The following KAZN variants were observed in gnomAD, a reference collection of about 807,000 sequenced individuals.
KAZN encodes kazrin.
Under a neutral mutation model 87.4 loss-of-function variants are expected in KAZN, and 40 were observed. The observed-to-expected ratio is 0.46, with a 90% CI of 0.36 to 0.60. KAZN has a LOEUF of 0.60. Ranked by LOEUF, KAZN falls within the 20% of genes least tolerant of loss-of-function variation. KAZN has a pLI of 0.00. For synonymous variants in KAZN, 466 were observed against 458.3 expected (o/e 1.02, Z -0.22); for missense variants, 898 against 1,073.9 (o/e 0.84, Z 2.29).
chr1:14,172,491 A>T (rs990522965), intron 1 of KAZN, among the ~76,000 whole-genome samples: 1 of 152,240 alleles, frequency 6.6e-6, no homozygotes, highest in Non-Finnish European at 1.5e-5. Context: ...CCAAAAAAAT[A>T]TACTATTGGT....
At chr1:14,477,555 G>T (rs565980436) in intron 2 of KAZN, among the ~76,000 whole-genome samples, 5 of 151,812 alleles carry the variant, frequency 3.3e-5, no homozygotes, top group Admixed American at 1.3e-4. Context: ...CGTGTACAAG[G>T]CTTGTGCGTC....
At chr1:14,712,801 G>GT (rs1399093995) in intron 1 of KAZN, among the ~76,000 whole-genome samples, 3 of 152,180 alleles carry the variant, frequency 2.0e-5, no homozygotes, top group Admixed American at 6.5e-5. Context: ...CAAGCCATAG[G>GT]TAAAAACCAA....
At chr1:14,660,275 C>T (rs1229958834) in intron 1 of KAZN, among the ~76,000 whole-genome samples, 2 of 152,140 alleles carry the variant, frequency 1.3e-5, no homozygotes, top group Non-Finnish European at 2.9e-5. Context: ...AACAATAAGA[C>T]GAATAATAAC....
At chr1:14,887,401 T>C (rs554675861) in intron 1 of KAZN, among the ~76,000 whole-genome samples, 3 of 152,302 alleles carry the variant, frequency 2.0e-5, no homozygotes, top group Non-Finnish European at 4.4e-5. Flanking sequence ...ATCCCAGAAA[T>C]GCTTATGATG....
intron 1 of KAZN, among the ~76,000 whole-genome samples, chr1:14,905,113 C>T (rs61773601): frequency 0.1 from 15,442 of 152,190 alleles, 883 homozygotes; most frequent in Middle Eastern, 0.15. Flanking sequence ...GGCTGGAGTG[C>T]AGTGGCGTGA....
Position 15,060,198 on chromosome 1 carries a change from C to T in KAZN, c.943C>T (p.Arg315Trp), listed in dbSNP as rs747595522. ...GGTCAGGGTGAGCCCCTGCCACTCC[C>T]GGCAGCCCTCTGTCATCTCCGACGC... is the stretch of plus-strand genomic sequence containing the variant. ...QAVRVSPCHS[R>W]QPSVISDASA... Residue 315 changes from arginine to tryptophan, a missense_variant, in exon 6 of 15, where the codon CGG (arginine) becomes TGG (tryptophan). This residue lies in a region of KAZN where 521 missense variants were observed against 689.4 expected (regional missense o/e 0.76). Coordinates refer to ENST00000376030, the MANE Select transcript of KAZN (RefSeq NM_201628.3). 18 of 1,614,126 alleles carry T rather than the reference C, an allele frequency of 1.1e-5. No homozygotes were observed. The highest frequency in any genetic ancestry group is 1.7e-5 in the Admixed American group (1 of 60,016).
intron 1 of KAZN, among the ~76,000 whole-genome samples, chr1:14,743,290 C>T (rs181971032): frequency 1.6e-3 from 248 of 151,858 alleles, no homozygotes; most frequent in African/African-American, 5.2e-3. Context: ...ATTAGCCGGG[C>T]GTGGTGACAC....
chr1:14,943,228 CAG>C (rs138059240), intron 1 of KAZN, among the ~76,000 whole-genome samples: 14,111 of 151,864 alleles, frequency 0.093, 814 homozygotes, highest in South Asian at 0.24. Flanking sequence ...AGAGGCCACT[CAG>C]AGCAAGAATT....
chr1:14,664,957 A>G (rs1639429055), intron 1 of KAZN, among the ~76,000 whole-genome samples: 1 of 152,108 alleles, frequency 6.6e-6, no homozygotes. Flanking sequence ...ACCCGGCTGG[A>G]TCCATATTTT....
chr1:15,054,608 C>T (rs1274131438), intron 4 of KAZN, among the ~76,000 whole-genome samples: 6 of 150,788 alleles, frequency 4.0e-5, no homozygotes, highest in South Asian at 2.1e-4. Flanking sequence ...ACCGAGATCG[C>T]GCCACTGCAC....
chr1:14,936,005 C>T (rs1223590670), intron 1 of KAZN, among the ~76,000 whole-genome samples: 1 of 152,258 alleles, frequency 6.6e-6, no homozygotes, highest in Non-Finnish European at 1.5e-5. Flanking sequence ...CCTCCAAGCC[C>T]CCCTGCCCTT....
chr1:13,947,913 C>T (rs539476570), intron 1 of KAZN, among the ~76,000 whole-genome samples: 7 of 152,268 alleles, frequency 4.6e-5, no homozygotes, highest in East Asian at 1.9e-4. Flanking sequence ...CAAACACAGT[C>T]GCACTCTGAG....
chr1:13,908,974 A>G (rs1222771861), intron 1 of KAZN, among the ~76,000 whole-genome samples: 1 of 152,224 alleles, frequency 6.6e-6, no homozygotes. Flanking sequence ...TTCGCAAAGC[A>G]GCAGAGCTCG....
intron 1 of KAZN, among the ~76,000 whole-genome samples, chr1:14,816,737 T>G (rs747946901): frequency 6.6e-6 from 1 of 152,194 alleles, no homozygotes; most frequent in African/African-American, 2.4e-5. Context: ...TCTAGATAGA[T>G]AAATATAGAT....
intron 2 of KAZN, among the ~76,000 whole-genome samples, chr1:14,221,574 T>C (rs1647099075): frequency 6.6e-6 from 1 of 152,180 alleles, no homozygotes; most frequent in Admixed American, 6.5e-5. Context: ...ACTGCAGAGC[T>C]TGCCAGCTAG....
intron 1 of KAZN, among the ~76,000 whole-genome samples, chr1:13,912,833 TG>T (rs35892617): frequency 0.2 from 30,438 of 152,058 alleles, 3,409 homozygotes; most frequent in Non-Finnish European, 0.26. Context: ...TGACCTCAGG[TG>T]ATCTACCTAC....
chr1:14,839,540 C>T (rs1422032659), intron 1 of KAZN, among the ~76,000 whole-genome samples: 1 of 152,090 alleles, frequency 6.6e-6, no homozygotes, highest in African/African-American at 2.4e-5. Flanking sequence ...CCAGAAAAAC[C>T]CCTATTCATC....
At chr1:14,305,082 A>G (rs1374272204) in intron 2 of KAZN, among the ~76,000 whole-genome samples, 2 of 152,096 alleles carry the variant, frequency 1.3e-5, no homozygotes, top group Non-Finnish European at 2.9e-5. Flanking sequence ...TTTAGAAAGG[A>G]TATGTCTGCT....
chr1:15,066,007 G>A lies in KAZN; in HGVS notation c.1222+254G>A. ...CTGCGTCGCCACCTCTGTAATTGAT[G>A]TACATACCGCAAACCGTGTGTGAAC... On this transcript the variant is annotated intron_variant, in intron 8 of 14. Coordinates refer to ENST00000376030, the MANE Select transcript of KAZN (RefSeq NM_201628.3). This position sits in a 1 kb window ranked among gnomAD's most constrained non-coding sequence, Gnocchi z 4.3. 1.5e-6 allele frequency: 2 copies of A among 1,322,894 alleles called. No homozygotes were observed. The highest frequency in any genetic ancestry group is 6.0e-5 in the East Asian group (2 of 33,158). The allele number at this position is 1,322,894 out of a possible 1,614,324, so 81.9% of individuals were successfully genotyped here.
Sources: allele counts gnomAD v4.1 joint callset (sites outside exome capture counted in the v4.1 genomes callset), GRCh38; gene constraint gnomAD v4.1.1; regional missense constraint gnomAD v4.1.1; non-coding constraint Gnocchi (gnomAD v3.1); transcripts MANE v1.5; gene names NCBI Gene and HGNC (gene_info 2026-07-23, HGNC 2026-07-21).